The following SYCP2 variants were observed in gnomAD, a reference collection of about 807,000 sequenced individuals.
SYCP2 encodes synaptonemal complex lateral element protein.
A neutral mutation model predicts 211.3 loss-of-function variants in SYCP2; 55 were observed. The observed-to-expected ratio is 0.26, with a 90% CI of 0.21 to 0.33. SYCP2 has a LOEUF of 0.33. Ranked by LOEUF, SYCP2 falls within the 10% of genes least tolerant of loss-of-function variation. SYCP2 has a pLI of 1.00. For synonymous variants in SYCP2, 570 were observed against 555.2 expected (o/e 1.03, Z -0.37); for missense variants, 1,731 against 1,752.0 (o/e 0.99, Z 0.21).
chr20:59,873,820 T>C (rs775472592), intron 35 of SYCP2, 36 bp downstream of exon 35: 51 of 1,507,478 alleles, frequency 3.4e-5, no homozygotes, highest in Middle Eastern at 1.8e-4. Context: ...CCTTCAGATA[T>C]ATCTGATAAA....
chr20:59,930,130 T>C (rs2060709215), intron 2 of SYCP2, among the ~76,000 whole-genome samples: 1 of 152,160 alleles, frequency 6.6e-6, no homozygotes, highest in African/African-American at 2.4e-5. Flanking sequence ...TCTATAACCA[T>C]GAACACATTA....
chr20:59,877,257 A>C, intron 33 of SYCP2, 128 bp downstream of exon 33: 1 of 715,884 alleles, frequency 1.4e-6, no homozygotes, highest in East Asian at 3.3e-5. Context: ...TAGAATTATT[A>C]TTTAAGTTTT....
At chr20:59,923,651 A>T (rs947157476) in intron 2 of SYCP2, among the ~76,000 whole-genome samples, 1 of 151,860 alleles carries the variant, frequency 6.6e-6, no homozygotes, top group Admixed American at 6.6e-5. Context: ...ACAGTGAGCT[A>T]TGACTACAAC....
chr20:59,892,954 GA>G (rs1407507199), intron 22 of SYCP2, among the ~76,000 whole-genome samples, 187 bp downstream of exon 22: 1 of 151,712 alleles, frequency 6.6e-6, no homozygotes, highest in Admixed American at 6.6e-5. Flanking sequence ...CTCTCCACTT[GA>G]AAAGAGTTAT....
rs1485932442 is a variant in SYCP2, at chr20:59,892,677, G to C, written c.1818C>G (p.Ile606Met). Reference protein sequence around the residue: ...HTILPGVLDNICGNKIHSKWA... With the variant: ...HTILPGVLDNMCGNKIHSKWA... ...ATTTGCTGTGTATTTTATTTCCACA[G>C]ATGTTGTCTAAAACACCAGGTAATC... Residue 606 changes from isoleucine to methionine, a missense_variant, in exon 23 of 45, where the codon ATC becomes ATG. Physicochemically the swap from Ile to Met is conservative, Grantham distance 10 (BLOSUM62 1). Transcript: ENST00000357552. The C allele has an allele frequency of 2.5e-6, 4 of 1,608,132 alleles. No individual in the cohort carries two copies. The highest frequency in any genetic ancestry group is 3.4e-6 in the Non-Finnish European group (4 of 1,177,184).
At chr20:59,895,629 CTT>C (rs750970546) in intron 19 of SYCP2, 32 bp from the exon 20 acceptor site, 2 of 1,604,632 alleles carry the variant, frequency 1.2e-6, no homozygotes, top group East Asian at 4.5e-5. Flanking sequence ...GCAGATTTTT[CTT>C]TTTTTACCTA....
rs550039569 is a variant in SYCP2, at chr20:59,892,294, A to G, written c.2060T>C (p.Val687Ala). 3 of 1,612,410 alleles carry G rather than the reference A, an allele frequency of 1.9e-6. No homozygotes were observed. Among genetic ancestry groups the G allele is most frequent in the Middle Eastern group, 1.7e-4 (1 of 6,042 alleles). ...CTGATTGTGTTTCTTGCAAACTTCT[A>G]CTTCTGCTTTATCTATTTTGATATG... ...TDHIKIDKAE[V>A]EVCKKHNQQQ... The change falls in exon 24 of 45, where the codon GTA becomes GCA. Residue 687 changes from valine to alanine, a missense_variant. By Grantham distance (64) the Val-to-Ala change is moderately conservative. Around this residue, in one of 3 missense-constraint regions of SYCP2, gnomAD observed 1,387 missense variants for 1,351.3 expected, o/e 1.03. Transcript: ENST00000357552.
chr20:59,871,599 G>A (rs2059452996), intron 35 of SYCP2, among the ~76,000 whole-genome samples: 1 of 151,708 alleles, frequency 6.6e-6, no homozygotes, highest in Admixed American at 6.6e-5. Flanking sequence ...AGGATGCGGG[G>A]GAAAATAAGA....
intron 14 of SYCP2, among the ~76,000 whole-genome samples, chr20:59,909,288 C>G (rs2060271668): frequency 6.6e-6 from 1 of 152,188 alleles, no homozygotes; most frequent in Admixed American, 6.5e-5. Context: ...TTCCATCCAG[C>G]TACCCAAATT....
In SYCP2 at chr20:59,916,472, A is replaced by G; in HGVS notation, c.513+14T>C. The G allele has an allele frequency of 6.6e-7, 1 of 1,517,822 alleles. No individual in the cohort carries two copies. Among genetic ancestry groups the G allele is most frequent in the South Asian group, 1.2e-5 (1 of 85,910 alleles). The allele number at this position is 1,517,822 out of a possible 1,614,324, so 94.0% of individuals were successfully genotyped here. On this transcript the variant is annotated intron_variant, in intron 8 of 44. Coordinates refer to ENST00000357552, the MANE Select transcript of SYCP2 (RefSeq NM_014258.4). ...CTCATTTTTAGTTTTTAAAACACAAATAAATGACTTTACCTCTTGCTGAAT... is the reference window on the plus strand; with the variant it reads ...CTCATTTTTAGTTTTTAAAACACAAGTAAATGACTTTACCTCTTGCTGAAT...
chr20:59,906,172 T>TA (rs1000871296), intron 15 of SYCP2, among the ~76,000 whole-genome samples: 11 of 152,272 alleles, frequency 7.2e-5, no homozygotes, highest in African/African-American at 2.6e-4. Flanking sequence ...ACCTGAGTCA[T>TA]AATTCCAGCA....
rs575434224 is a variant in SYCP2, at chr20:59,883,481, C to T, written c.2530-1316G>A. Among the ~76,000 whole-genome samples the T allele has an allele frequency of 3.5e-4, 53 of 151,928 alleles. No homozygotes were observed. In the South Asian group the frequency reaches 4.8e-3, roughly 14 times the overall value. The stretch of plus-strand genomic sequence containing the variant: ...ATGAATGGATAAAGAAATTGTGGTG[C>T]GTGTATATATATGAAGAAATACTAT... On this transcript the variant is annotated intron_variant, in intron 26 of 44. Coordinates refer to ENST00000357552, the MANE Select transcript of SYCP2 (RefSeq NM_014258.4).
chr20:59,891,939 C>CA, intron 24 of SYCP2, 51 bp downstream of exon 24: 1 of 1,430,748 alleles, frequency 7.0e-7, no homozygotes, highest in South Asian at 1.4e-5. Flanking sequence ...CTTATGTTAT[C>CA]AAGTAGGCAT....
Position 59,880,466 on chromosome 20 carries a change from T to C in SYCP2, c.2778A>G (p.Ile926Met). The C allele has an allele frequency of 6.5e-7, 1 of 1,543,934 alleles. No individual in the cohort carries two copies. The highest frequency in any genetic ancestry group is 1.2e-5 in the South Asian group (1 of 82,316). Residue 926 changes from isoleucine to methionine, a missense_variant, in exon 31 of 45, where the codon ATA (isoleucine) becomes ATG (methionine). Ile to Met is a conservative substitution (Grantham distance 10). This residue lies in a region of SYCP2 where 1,387 missense variants were observed against 1,351.3 expected (regional missense o/e 1.03). Coordinates refer to ENST00000357552, the MANE Select transcript of SYCP2 (RefSeq NM_014258.4). ...ACAGATTTTTCTTTTGATGATTTGT[T>C]ATAATCTATAAAAAAAAGTTTGAAA... ...SSVKTKDKKI[I>M]TNHQKKNLFS...
At chr20:59,923,858 A>G (rs1245918028) in intron 2 of SYCP2, among the ~76,000 whole-genome samples, 1 of 151,986 alleles carries the variant, frequency 6.6e-6, no homozygotes, top group African/African-American at 2.4e-5. Context: ...AAAGAGACCC[A>G]GAAGAAGAAA....
chr20:59,893,009 G>A (rs1250078890), intron 22 of SYCP2, 133 bp downstream of exon 22: 1 of 686,304 alleles, frequency 1.5e-6, no homozygotes, highest in Non-Finnish European at 2.4e-6. Flanking sequence ...ATTCCCCATT[G>A]TGCTGTCATA....
chr20:59,932,035 A>G (rs2060757025), intron 2 of SYCP2, 27 bp downstream of exon 2: 1 of 152,202 alleles, frequency 6.6e-6, no homozygotes, highest in African/African-American at 2.4e-5. Flanking sequence ...ACAGAATAAT[A>G]ATGTTTCAAG....
intron 6 of SYCP2, 140 bp from the exon 7 acceptor site, chr20:59,919,322 A>G: frequency 1.5e-6 from 1 of 660,528 alleles, no homozygotes; most frequent in South Asian, 2.0e-5. Flanking sequence ...TTAACTAACC[A>G]TTTAATTATA....
chr20:59,912,643 G>A (rs1012159312), intron 12 of SYCP2, among the ~76,000 whole-genome samples: 3 of 152,108 alleles, frequency 2.0e-5, no homozygotes, highest in African/African-American at 4.8e-5. Context: ...CTACCATTCT[G>A]ACTAAAATGA....
Sources: allele counts gnomAD v4.1 joint callset (sites outside exome capture counted in the v4.1 genomes callset), GRCh38; gene constraint gnomAD v4.1.1; regional missense constraint gnomAD v4.1.1; transcripts MANE v1.5; gene names NCBI Gene and HGNC (gene_info 2026-07-23, HGNC 2026-07-21).